Variants in SLC3A1 observed in about 807,000 individuals in gnomAD.
The protein encoded by SLC3A1 is solute carrier family 3 member 1.
A neutral mutation model predicts 60.3 loss-of-function variants in SLC3A1; 78 were observed. The ratio of observed to expected loss-of-function variants is 1.29; its 90% CI spans 1.08 to 1.56. SLC3A1 has a LOEUF of 1.56. Among genes scored for constraint, SLC3A1 ranks in the 40% most tolerant of loss-of-function variants. The pLI, the probability that SLC3A1 is intolerant of heterozygous loss-of-function variation, is 0.00. For synonymous variants in SLC3A1, 392 were observed against 307.9 expected, an observed-to-expected ratio of 1.27 and a Z score of -2.86; for missense variants, 1,172 against 858.9, an observed-to-expected ratio of 1.36 and a Z score of -4.56.
chr2:44,309,011 C>A (rs192513857), intron 7 of SLC3A1, among the ~76,000 whole-genome samples: 1 of 152,082 alleles, frequency 6.6e-6, no homozygotes, highest in Non-Finnish European at 1.5e-5. Flanking sequence ...GGATTACAGG[C>A]GTGAGCTACT....
chr2:44,312,654 GCTT>G lies in SLC3A1; in HGVS notation c.1405_1407del (p.Leu469del), dbSNP rs1220602148. 1 of 1,613,868 alleles carries G rather than the reference GCTT, an allele frequency of 6.2e-7. No homozygotes were observed. Among genetic ancestry groups the G allele is most frequent in the Admixed American group, 1.7e-5 (1 of 60,016 alleles). On this transcript the variant is annotated inframe_deletion, in exon 8 of 10. Coordinates refer to ENST00000260649, the MANE Select transcript of SLC3A1 (RefSeq NM_000341.4). The stretch of plus-strand genomic sequence containing the variant: ...ATCAGTATGTCAACGTGATGAACAT[GCTT>G]CTTTTCACACTCCCTGGAACTCCTA...
At chr2:44,296,590 T>C (rs1444572310) in intron 4 of SLC3A1, among the ~76,000 whole-genome samples, 1 of 152,122 alleles carries the variant, frequency 6.6e-6, no homozygotes, top group Non-Finnish European at 1.5e-5. Flanking sequence ...TGATTCAAGC[T>C]TCACCATTCA....
chr2:44,295,141 G>A lies in SLC3A1; in HGVS notation c.892-4830G>A, dbSNP rs574555411. ...ACGGGCCCCCAAATGTCAGCCATCT[G>A]AAAAGGAAAGGCTTGGCTCAAGGTT... On this transcript the variant is annotated intron_variant, in intron 4 of 9. Transcript: ENST00000260649. Among the ~76,000 whole-genome samples, 662 of 152,300 alleles carry A rather than the reference G, an allele frequency of 4.3e-3. 8 individuals carry two copies. The Middle Eastern group carries it at 0.054, about 13-fold the overall frequency.
In SLC3A1 at chr2:44,320,620, T is replaced by G; in HGVS notation, c.2039T>G (p.Ile680Arg). Residue 680 changes from isoleucine (I) to arginine (R), a missense_variant, in exon 10 of 10, where the codon ATA (isoleucine) becomes AGA (arginine). Coordinates refer to ENST00000260649, the MANE Select transcript of SLC3A1 (RefSeq NM_000341.4). ...NRACYSSVLN[I>R]LYTSC ...GCATGCTATTCCAGTGTACTGAACA[T>G]ACTGTATACCTCGTGTTAGGCACCT... 6.2e-7 allele frequency: 1 copy of G among 1,613,854 alleles called. No homozygotes were observed. The highest frequency in any genetic ancestry group is 1.3e-5 in the African/African-American group (1 of 75,026).
chr2:44,309,507 C>G (rs563079678), intron 7 of SLC3A1, among the ~76,000 whole-genome samples: 18 of 152,326 alleles, frequency 1.2e-4, no homozygotes, highest in African/African-American at 4.3e-4. Context: ...AATAATGTTA[C>G]AAACCAATGG....
intron 6 of SLC3A1, among the ~76,000 whole-genome samples, chr2:44,303,537 C>T (rs932220957): frequency 8.0e-6 from 1 of 125,562 alleles, no homozygotes; most frequent in Non-Finnish European, 1.7e-5. Flanking sequence ...GCACCTGGCA[C>T]CCAAATGTGT....
intron 7 of SLC3A1, among the ~76,000 whole-genome samples, chr2:44,308,998 C>T (rs749828047): frequency 6.6e-6 from 1 of 152,150 alleles, no homozygotes; most frequent in Non-Finnish European, 1.5e-5. Context: ...TCCCAAAGTG[C>T]TGGGATTACA....
chr2:44,286,117 A>T lies in SLC3A1; in HGVS notation c.851A>T (p.Asp284Val), dbSNP rs933907652. ...CATCAGTTTATGAAAGAGCAACCTG[A>T]TTTAAATTTCCGCAATCCTGATGTT... is the stretch of plus-strand genomic sequence containing the variant. Reference protein sequence around the residue: ...YFHQFMKEQPDLNFRNPDVQE... With the variant: ...YFHQFMKEQPVLNFRNPDVQE... Residue 284 changes from aspartate to valine, a missense_variant, in exon 4 of 10, where the codon GAT becomes GTT. Transcript: ENST00000260649. 2 of 1,613,970 alleles carry T rather than the reference A, an allele frequency of 1.2e-6. No individual in the cohort carries two copies. Among genetic ancestry groups the T allele is most frequent in the African/African-American group, 2.7e-5 (2 of 74,918 alleles).
chr2:44,286,092 C>A lies in SLC3A1; in HGVS notation c.826C>A (p.His276Asn). Residue 276 changes from histidine (H) to asparagine (N), a missense_variant, in exon 4 of 10, where the codon CAT becomes AAT. Coordinates refer to ENST00000260649, the MANE Select transcript of SLC3A1 (RefSeq NM_000341.4). ...CGAAGTGCGAAACCAATGTTATTTT[C>A]ATCAGTTTATGAAAGAGCAACCTGA... ...FDEVRNQCYF[H>N]QFMKEQPDLN... is the part of the protein sequence containing the mutation. 6.2e-7 allele frequency: 1 copy of A among 1,613,892 alleles called. No homozygotes were observed. Among genetic ancestry groups the A allele is most frequent in the South Asian group, 1.1e-5 (1 of 91,074 alleles).
At chr2:44,296,476 C>T (rs1391933964) in intron 4 of SLC3A1, among the ~76,000 whole-genome samples, 2 of 152,070 alleles carry the variant, frequency 1.3e-5, no homozygotes, top group Non-Finnish European at 2.9e-5. Flanking sequence ...TTTTATGCCC[C>T]AGAGAAAAAT....
chr2:44,285,843 G>A lies in SLC3A1; in HGVS notation c.766-189G>A, dbSNP rs1004317418. Reference sequence around the variant, plus strand: ...TACTGTAAAAATACGTTGCAACCATGTTTGTGAGGCATTAGGCCAATGGGG... The same window carrying A: ...TACTGTAAAAATACGTTGCAACCATATTTGTGAGGCATTAGGCCAATGGGG... On this transcript the variant is annotated intron_variant, in intron 3 of 9. Transcript: ENST00000260649. 2.2e-5 allele frequency: 16 copies of A among 733,430 alleles called. No individual in the cohort carries two copies. In the Admixed American group the frequency reaches 3.3e-4, roughly 15 times the overall value. The allele number at this position is 733,430 out of a possible 1,614,324, so 45.4% of individuals were successfully genotyped here.
intron 9 of SLC3A1, chr2:44,319,216 A>G (rs1442119091): frequency 6.6e-6 from 1 of 152,644 alleles, no homozygotes; most frequent in Non-Finnish European, 1.5e-5. Context: ...AACAACCACA[A>G]TAACAACTAT....
chr2:44,320,209 C>T lies in SLC3A1; in HGVS notation c.1628C>T (p.Thr543Ile). The change falls in exon 10 of 10, where the codon ACT becomes ATT. Residue 543 changes from threonine (T) to isoleucine (I), a missense_variant. Coordinates refer to ENST00000260649, the MANE Select transcript of SLC3A1 (RefSeq NM_000341.4). Reference sequence around the variant, plus strand: ...TTTTTAAAAAAATAGGTCCAAAAGACTCAGCCCAGATCGGCTTTGAAGTTA... The same window carrying T: ...TTTTTAAAAAAATAGGTCCAAAAGATTCAGCCCAGATCGGCTTTGAAGTTA... Reference protein sequence around the residue: ...YHTVNVDVQKTQPRSALKLYQ... With the variant: ...YHTVNVDVQKIQPRSALKLYQ... The T allele has an allele frequency of 6.2e-7, 1 of 1,613,312 alleles. No individual in the cohort carries two copies. Among genetic ancestry groups the T allele is most frequent in the Non-Finnish European group, 8.5e-7 (1 of 1,179,426 alleles).
chr2:44,281,719 A>G (rs978876402), intron 3 of SLC3A1, among the ~76,000 whole-genome samples, 178 bp downstream of exon 3: 1 of 152,110 alleles, frequency 6.6e-6, no homozygotes, highest in African/African-American at 2.4e-5. Flanking sequence ...GCTTCCAATT[A>G]TTATTTAGAT....
intron 4 of SLC3A1, among the ~76,000 whole-genome samples, chr2:44,293,540 A>T (rs531607882): frequency 6.6e-6 from 1 of 151,936 alleles, no homozygotes; most frequent in African/African-American, 2.4e-5. Context: ...AAAAGATATA[A>T]GGACACGGAG....
intron 6 of SLC3A1, among the ~76,000 whole-genome samples, chr2:44,302,612 G>T (rs1006017341): frequency 6.6e-6 from 1 of 152,226 alleles, no homozygotes; most frequent in African/African-American, 2.4e-5. Flanking sequence ...AATAGCTAAA[G>T]CCAGCATTGA....
chr2:44,321,954 A>T (rs562406470), downstream of SLC3A1: 1 of 1,543,288 alleles, frequency 6.5e-7, no homozygotes, highest in Admixed American at 1.8e-5. Flanking sequence ...TCTTCTTTGG[A>T]AGATCGAGAC....
chr2:44,312,200 T>C (rs1436926880), intron 7 of SLC3A1, among the ~76,000 whole-genome samples: 1 of 152,224 alleles, frequency 6.6e-6, no homozygotes. Flanking sequence ...AAACAATTTT[T>C]TAAAAGAGGA....
At position 44,303,997 on chromosome 2, in the gene SLC3A1, T is replaced by A. The variant is rs1209212004; in HGVS notation, c.1137-146T>A. On this transcript the variant is annotated intron_variant, in intron 6 of 9. Coordinates refer to ENST00000260649, the MANE Select transcript of SLC3A1 (RefSeq NM_000341.4). Reference sequence around the variant, plus strand: ...GTCTAACATTTGGTGACAGCTTGATTATGCTTTCTAGAAGGTGCTAGTCCT... The same window carrying A: ...GTCTAACATTTGGTGACAGCTTGATAATGCTTTCTAGAAGGTGCTAGTCCT... The A allele has an allele frequency of 5.5e-6, 4 of 731,990 alleles. No individual in the cohort carries two copies. The African/African-American group carries it at 6.9e-5, about 13-fold the overall frequency. The allele number at this position is 731,990 out of a possible 1,614,324, so 45.3% of individuals were successfully genotyped here.
Sources: allele counts gnomAD v4.1 joint callset (sites outside exome capture counted in the v4.1 genomes callset), GRCh38; gene constraint gnomAD v4.1.1; transcripts MANE v1.5; gene names NCBI Gene and HGNC (gene_info 2026-07-23, HGNC 2026-07-21).